The following DNAH8 variants were observed in gnomAD, a reference collection of about 807,000 sequenced individuals.
The protein encoded by DNAH8 is axonemal beta dynein heavy chain 8.
DNAH8 carries 382 observed loss-of-function variants against 562.1 expected under a neutral mutation model. The ratio of observed to expected loss-of-function variants is 0.68; its 90% confidence interval spans 0.63 to 0.74. The LOEUF (loss-of-function observed/expected upper bound fraction) is 0.74. DNAH8 is among the 30% of genes least tolerant of loss of function. The pLI is 0.00. For synonymous variants in DNAH8, 1,881 were observed against 1,919.4 expected (o/e 0.98, Z 0.52); for missense variants, 5,203 against 5,620.4 (o/e 0.93, Z 2.37).
At chr6:38,973,592 C>T (rs951806821) in intron 83 of DNAH8, 69 bp from the exon 84 acceptor site, 2 of 1,304,322 alleles carry the variant, frequency 1.5e-6, no homozygotes, top group Non-Finnish European at 2.1e-6. Context: ...AAAAAGTGCA[C>T]ATTTTGTTTT....
At chr6:38,971,175 TAC>T (rs1328538600) in intron 82 of DNAH8, among the ~76,000 whole-genome samples, 1 of 152,204 alleles carries the variant, frequency 6.6e-6, no homozygotes, top group Non-Finnish European at 1.5e-5. Context: ...ATTAAATCTT[TAC>T]AGAAGCGTCT....
chr6:38,854,022 G>A (rs751057628), intron 41 of DNAH8, among the ~76,000 whole-genome samples: 2 of 151,256 alleles, frequency 1.3e-5, no homozygotes, highest in Non-Finnish European at 2.9e-5. Flanking sequence ...GTGTGTAAGT[G>A]CACGTGTGTG....
chr6:39,006,475 C>G (rs1215996887), intron 88 of DNAH8, among the ~76,000 whole-genome samples: 1 of 152,162 alleles, frequency 6.6e-6, no homozygotes, highest in Non-Finnish European at 1.5e-5. Context: ...AGGTCTGATT[C>G]TGATTTCTGT....
intron 87 of DNAH8, among the ~76,000 whole-genome samples, chr6:38,987,328 AC>A (rs1276459531): frequency 1.3e-5 from 2 of 151,996 alleles, no homozygotes; most frequent in African/African-American, 4.8e-5. Context: ...TCTTCCCTGT[AC>A]CCTGACATTT....
intron 42 of DNAH8, among the ~76,000 whole-genome samples, 178 bp downstream of exon 42, chr6:38,857,920 A>G (rs922756767): frequency 9.2e-5 from 14 of 152,182 alleles, no homozygotes; most frequent in African/African-American, 1.9e-4. Flanking sequence ...ACCATATTAT[A>G]TATTCATTTG....
chr6:38,941,105 T>C (rs1001723432), intron 79 of DNAH8, among the ~76,000 whole-genome samples: 2 of 148,620 alleles, frequency 1.3e-5, no homozygotes, highest in African/African-American at 5.0e-5. Context: ...GGTGACAGAG[T>C]GAGACTCTGT....
intron 62 of DNAH8, among the ~76,000 whole-genome samples, chr6:38,905,571 T>C (rs9470946): frequency 0.15 from 23,119 of 152,098 alleles, 3,118 homozygotes; most frequent in African/African-American, 0.37. Flanking sequence ...CTCATCCAAA[T>C]TTCAGATGAG....
chr6:38,851,427 CA>C, intron 38 of DNAH8, 144 bp from the exon 39 acceptor site: 1 of 572,224 alleles, frequency 1.7e-6, no homozygotes, highest in East Asian at 3.0e-5. Context: ...TGGTTTTCAC[CA>C]AACATTGCAG....
intron 91 of DNAH8, among the ~76,000 whole-genome samples, chr6:39,017,803 T>A (rs1183216930): frequency 6.6e-6 from 1 of 152,192 alleles, no homozygotes; most frequent in Non-Finnish European, 1.5e-5. Flanking sequence ...TCTGTAAAAA[T>A]AATCTACAAC....
At chr6:38,828,429 C>T (rs933895406) in intron 30 of DNAH8, 141 bp downstream of exon 30, 35 of 540,656 alleles carry the variant, frequency 6.5e-5, no homozygotes, top group South Asian at 3.8e-4. Flanking sequence ...GCATATACAA[C>T]GGTGATCTCA....
At chr6:38,762,116 TACCA>T (rs1202212435) in intron 11 of DNAH8, among the ~76,000 whole-genome samples, 14 of 152,188 alleles carry the variant, frequency 9.2e-5, no homozygotes, top group Admixed American at 2.0e-4. Context: ...TGGTTAGGAT[TACCA>T]TGTATCCTTA....
chr6:39,001,936 ACTAGAGCTTGGAAACTAAGAAGGT>A (rs1255517834), intron 88 of DNAH8, among the ~76,000 whole-genome samples: 6 of 152,088 alleles, frequency 3.9e-5, no homozygotes, highest in Middle Eastern at 3.4e-3. Context: ...ATGATTTGGA[ACTAGAGCTTGGAAACTAAGAAGGT>A]CTGGGGAGCC....
chr6:38,740,179 T>C (rs1005871676), intron 7 of DNAH8, among the ~76,000 whole-genome samples: 41 of 152,214 alleles, frequency 2.7e-4, no homozygotes, highest in Admixed American at 1.2e-3. Flanking sequence ...ACATTGACTG[T>C]TGCAGGCTAA....
intron 21 of DNAH8, among the ~76,000 whole-genome samples, chr6:38,796,446 C>T (rs1002481573): frequency 2.6e-5 from 4 of 152,040 alleles, no homozygotes; most frequent in African/African-American, 9.7e-5. Context: ...AGGGAGGAGA[C>T]CACCCCTCAT....
chr6:38,802,271 G>A (rs1223918106), intron 21 of DNAH8, among the ~76,000 whole-genome samples: 4 of 151,514 alleles, frequency 2.6e-5, no homozygotes, highest in African/African-American at 9.7e-5. Flanking sequence ...TAGAGATGAG[G>A]TCTTGTGCTG....
chr6:39,028,888 C>T (rs1427202790), intron 92 of DNAH8, among the ~76,000 whole-genome samples: 1 of 152,204 alleles, frequency 6.6e-6, no homozygotes, highest in East Asian at 1.9e-4. Flanking sequence ...ACACAGTCCT[C>T]ACACGGTGAG....
intron 15 of DNAH8, among the ~76,000 whole-genome samples, chr6:38,780,693 G>A (rs1048313587): frequency 6.6e-6 from 1 of 152,088 alleles, no homozygotes; most frequent in African/African-American, 2.4e-5. Flanking sequence ...CCTACTGGAG[G>A]GTGGGAGAAG....
Position 38,807,624 on chromosome 6 carries a change from C to T in DNAH8, c.3165C>T (p.Val1055=), listed in dbSNP as rs1220037834. The change falls in exon 24 of 93, where the codon GTC becomes GTT. Residue 1055 remains valine, a synonymous_variant. Coordinates refer to ENST00000327475, the MANE Select transcript of DNAH8 (RefSeq NM_001206927.2). The part of the protein sequence containing the change: ...EDEFKKECKE[V]FAFFSHQLLD... ...TCTTATTACAGGAGTGTAAAGAGGT[C>T]TTTGCTTTTTTCTCTCATCAATTAC... 1 of 1,549,432 alleles carries T rather than the reference C, an allele frequency of 6.5e-7. No individual in the cohort carries two copies. Among genetic ancestry groups the T allele is most frequent in the African/African-American group, 1.4e-5 (1 of 72,166 alleles).
intron 62 of DNAH8, among the ~76,000 whole-genome samples, chr6:38,906,009 G>A (rs1168150240): frequency 6.6e-6 from 1 of 151,784 alleles, no homozygotes; most frequent in Non-Finnish European, 1.5e-5. Context: ...GGGTTCAAGC[G>A]ATTCTCCTGC....
Sources: gnomAD v4.1 joint callset for allele counts (sites outside exome capture counted in the v4.1 genomes callset) on GRCh38, gnomAD v4.1.1 for gene constraint, MANE v1.5 for transcripts, NCBI Gene and HGNC (gene_info 2026-07-23, HGNC 2026-07-21) for gene names.